Variants in ELP4 observed in about 807,000 individuals in gnomAD.
The protein encoded by ELP4 is elongator complex protein 4.
A neutral mutation model predicts 48.9 loss-of-function variants in ELP4; 51 were observed. The observed-to-expected ratio is 1.04, with a 90% CI of 0.83 to 1.32. ELP4 has a LOEUF of 1.32. Ranked by LOEUF, ELP4 falls within the 40% of genes most tolerant of loss-of-function variation. The probability of loss-of-function intolerance (pLI) is 0.00; values close to 1 mark genes in which losing one functional copy is unlikely to be tolerated. For synonymous variants in ELP4, 210 were observed against 189.2 expected (o/e 1.11, Z -0.90); for missense variants, 519 against 514.6 (o/e 1.01, Z -0.08).
chr11:31,549,045 G>C (rs28818478), intron 3 of ELP4, among the ~76,000 whole-genome samples: 194 of 151,660 alleles, frequency 1.3e-3, no homozygotes, highest in African/African-American at 3.8e-3. Context: ...AGAAGAAAAC[G>C]TAGGCAATAC....
intron 9 of ELP4, among the ~76,000 whole-genome samples, chr11:31,692,409 TCCCTACTCACTGTTG>T (rs1346239591): frequency 3.9e-5 from 6 of 152,182 alleles, no homozygotes; most frequent in Admixed American, 3.3e-4. Context: ...TAGAATGTTT[TCCCTACTCACTGTTG>T]CCCTACTACT....
At chr11:31,760,674 A>G (rs933516611) in intron 9 of ELP4, among the ~76,000 whole-genome samples, 2 of 152,212 alleles carry the variant, frequency 1.3e-5, no homozygotes, top group Non-Finnish European at 2.9e-5. Context: ...TTTAGAAATA[A>G]TACTTCCTGT....
At chr11:31,730,896 G>T (rs2134201070) in intron 9 of ELP4, among the ~76,000 whole-genome samples, 1 of 152,166 alleles carries the variant, frequency 6.6e-6, no homozygotes, top group East Asian at 1.9e-4. Context: ...AAAAGAGCTG[G>T]GTGATGTCCT....
intron 9 of ELP4, among the ~76,000 whole-genome samples, chr11:31,704,415 C>T (rs925614172): frequency 6.6e-6 from 1 of 151,970 alleles, no homozygotes; most frequent in East Asian, 1.9e-4. Context: ...CATGTTCTCA[C>T]TCGTAGGTGG....
In ELP4 at chr11:31,518,411, A is replaced by G. The variant is rs548788605; in HGVS notation, c.224-1645A>G. On this transcript the variant is annotated intron_variant, in intron 1 of 9. Coordinates refer to ENST00000640961, the MANE Select transcript of ELP4 (RefSeq NM_019040.5). ...GTGTGCAACTGCACCTAGCCATAAAATTAATTTTTAAATTGATTTTTAATG... is the reference window on the plus strand; with the variant it reads ...GTGTGCAACTGCACCTAGCCATAAAGTTAATTTTTAAATTGATTTTTAATG... Among the ~76,000 whole-genome samples, 49 of 152,046 alleles carry G rather than the reference A, an allele frequency of 3.2e-4. 1 individual carries two copies. The highest frequency in any genetic ancestry group is 1.2e-3 in the African/African-American group (48 of 41,516).
chr11:31,732,130 G>T (rs1254650926), intron 9 of ELP4, among the ~76,000 whole-genome samples: 1 of 151,878 alleles, frequency 6.6e-6, no homozygotes, highest in African/African-American at 2.4e-5. Flanking sequence ...TGCTGATAAA[G>T]GTAAATATAT....
chr11:31,719,577 C>A (rs1946914509), intron 9 of ELP4: 1 of 397,918 alleles, frequency 2.5e-6, no homozygotes, highest in Admixed American at 4.4e-5. Flanking sequence ...CAAGTATTAT[C>A]TGATACATAC....
At chr11:31,588,283 G>A (rs528264619) in intron 3 of ELP4, among the ~76,000 whole-genome samples, 2 of 151,920 alleles carry the variant, frequency 1.3e-5, no homozygotes, top group Non-Finnish European at 2.9e-5. Flanking sequence ...TACTTCTTGG[G>A]GCATGTGTAT....
chr11:31,576,345 GA>G (rs1268688010), intron 3 of ELP4, among the ~76,000 whole-genome samples: 1 of 152,168 alleles, frequency 6.6e-6, no homozygotes, highest in Non-Finnish European at 1.5e-5. Context: ...AATAATGGGA[GA>G]CTTTAACACC....
At chr11:31,744,208 T>C (rs908199768) in intron 9 of ELP4, among the ~76,000 whole-genome samples, 3 of 152,168 alleles carry the variant, frequency 2.0e-5, no homozygotes, top group African/African-American at 7.2e-5. Flanking sequence ...GTTGAATCTC[T>C]GAATAGACCA....
At chr11:31,535,843 A>G (rs1016832152) in intron 2 of ELP4, among the ~76,000 whole-genome samples, 1 of 152,122 alleles carries the variant, frequency 6.6e-6, no homozygotes, top group East Asian at 1.9e-4. Flanking sequence ...CAGTTTTGCC[A>G]TATGTGCTTT....
At chr11:31,710,385 G>A (rs12224722) in intron 9 of ELP4, among the ~76,000 whole-genome samples, 91,230 of 152,108 alleles carry the variant, frequency 0.6, 30,981 homozygotes, top group Non-Finnish European at 0.75. Context: ...AACACTTTGG[G>A]AGGCCAAGGC....
intron 9 of ELP4, among the ~76,000 whole-genome samples, chr11:31,709,365 C>G (rs1385355888): frequency 6.6e-6 from 1 of 152,176 alleles, no homozygotes; most frequent in Non-Finnish European, 1.5e-5. Context: ...TATGCTAAAA[C>G]TGAAAAGCTG....
Position 31,627,150 on chromosome 11 carries a change from C to A in ELP4, c.694C>A (p.Gln232Lys), listed in dbSNP as rs1357038410. The A allele has an allele frequency of 1.2e-6, 2 of 1,603,194 alleles. No homozygotes were observed. The highest frequency in any genetic ancestry group is 1.7e-5 in the Admixed American group (1 of 59,112). The change falls in exon 6 of 10, where the codon CAG (glutamine) becomes AAG (lysine). Residue 232 changes from glutamine to lysine, a missense_variant. Gln to Lys is a moderately conservative substitution (Grantham distance 53). Transcript: ENST00000640961. ...CTACACAAAGCTGCTTCAGTTTATC[C>A]AGAACATCATTTATGAGGAAGGATT... ...PGYTKLLQFI[Q>K]NIIYEEGFDG...
At chr11:31,609,515 C>T (rs1055521479) in intron 5 of ELP4, among the ~76,000 whole-genome samples, 1 of 151,996 alleles carries the variant, frequency 6.6e-6, no homozygotes, top group Non-Finnish European at 1.5e-5. Flanking sequence ...GGGTTTTCAT[C>T]AGCTCTTTGA....
At chr11:31,716,368 C>G (rs1946842207) in intron 9 of ELP4, among the ~76,000 whole-genome samples, 1 of 152,134 alleles carries the variant, frequency 6.6e-6, no homozygotes, top group South Asian at 2.1e-4. Flanking sequence ...GTTAAGTGCA[C>G]TGGCTCTGGA....
rs1948425666 is a variant in ELP4 at position 31,783,437 on chromosome 11, A to C, written c.1188A>C (p.Ser396=). 1 of 1,614,072 alleles carries C rather than the reference A, an allele frequency of 6.2e-7. No individual in the cohort carries two copies. The highest frequency in any genetic ancestry group is 8.5e-7 in the Non-Finnish European group (1 of 1,180,008). ...ACTTGTCAGACACAGTGAGCCGCTC[A>C]AGCAAAATGGATCTGGCAGAATCCG... ...PPDLSDTVSR[S]SKMDLAESAK... is the part of the protein sequence containing the mutation. Residue 396 remains serine (S), a synonymous_variant, in exon 10 of 10, where the codon TCA becomes TCC. Coordinates refer to ENST00000640961, the MANE Select transcript of ELP4 (RefSeq NM_019040.5).
intron 7 of ELP4, among the ~76,000 whole-genome samples, chr11:31,635,416 A>T (rs951312967): frequency 6.6e-6 from 1 of 151,946 alleles, no homozygotes; most frequent in Non-Finnish European, 1.5e-5. Flanking sequence ...TCACACAGCT[A>T]ATGAGTGGCA....
intron 9 of ELP4, among the ~76,000 whole-genome samples, chr11:31,761,506 A>G (rs529747104): frequency 2.0e-5 from 3 of 152,330 alleles, no homozygotes; most frequent in South Asian, 2.1e-4. Flanking sequence ...CATATATACC[A>G]GTAAGTATAT....
Sources: allele counts gnomAD v4.1 joint callset (sites outside exome capture counted in the v4.1 genomes callset), GRCh38; gene constraint gnomAD v4.1.1; transcripts MANE v1.5; gene names NCBI Gene and HGNC (gene_info 2026-07-23, HGNC 2026-07-21).